The following CCAR1 variants were observed in gnomAD, a reference collection of about 807,000 sequenced individuals.
The protein encoded by CCAR1 is cell division cycle and apoptosis regulator 1.
CCAR1 carries 78 observed loss-of-function variants against 163.8 expected under a neutral mutation model. That is an observed-to-expected ratio of 0.48 (90% CI 0.40 to 0.57). CCAR1 has a LOEUF of 0.57. Ranked by LOEUF, CCAR1 falls within the 20% of genes least tolerant of loss-of-function variation. CCAR1 has a pLI of 0.00. For missense variants in CCAR1, 1,019 were observed against 1,365.2 expected, an observed-to-expected ratio of 0.75 and a Z score of 4.00; for synonymous variants, 443 against 460.7, an observed-to-expected ratio of 0.96 and a Z score of 0.49.
At chr10:68,771,784 A>G (rs2056605605) in intron 18 of CCAR1, among the ~76,000 whole-genome samples, 1 of 151,926 alleles carries the variant, frequency 6.6e-6, no homozygotes, top group Non-Finnish European at 1.5e-5. Flanking sequence ...CTCCATCTCA[A>G]AAAAAAAGAT....
chr10:68,722,890 C>G (rs1423460060), intron 2 of CCAR1, among the ~76,000 whole-genome samples: 1 of 151,884 alleles, frequency 6.6e-6, no homozygotes, highest in East Asian at 1.9e-4. Flanking sequence ...CCACTGCACT[C>G]CAGCCTGGGC....
In CCAR1 at chr10:68,771,288, C is replaced by T; in HGVS notation, c.2381C>T (p.Pro794Leu). The change falls in exon 18 of 25, where the codon CCT becomes CTT. Residue 794 changes from proline (P) to leucine (L), a missense_variant. Around this residue, in one of 4 missense-constraint regions of CCAR1, gnomAD observed 358 missense variants for 406.4 expected, o/e 0.88. Transcript: ENST00000265872. The part of the protein sequence containing the change: ...VRIYKSLLSL[P>L]EKEDKKEKDK... ...ATATACAAATCATTACTGTCTCTTC[C>T]TGAGAAAGAGGACAAAAAAGAAAAG... is the stretch of plus-strand genomic sequence containing the variant. The T allele has an allele frequency of 6.2e-7, 1 of 1,606,380 alleles. No homozygotes were observed. Among genetic ancestry groups the T allele is most frequent in the Non-Finnish European group, 8.5e-7 (1 of 1,176,616 alleles).
At chr10:68,757,185 A>G in intron 14 of CCAR1, 109 bp from the exon 15 acceptor site, 1 of 630,946 alleles carries the variant, frequency 1.6e-6, no homozygotes, top group Non-Finnish European at 2.7e-6. Context: ...GGAGAAGACA[A>G]TCTGAAACAT....
rs558658797 is a variant in CCAR1 at position 68,768,723 on chromosome 10, A to T, written c.2299-2483A>T. On this transcript the variant is annotated intron_variant, in intron 17 of 24. Coordinates refer to ENST00000265872, the MANE Select transcript of CCAR1 (RefSeq NM_018237.4). ...ATAGGCTGGGCACAGTCCCTACGGCACTTTGAGGGGCTGAGGTGGGAGGAT... is the reference window on the plus strand; with the variant it reads ...ATAGGCTGGGCACAGTCCCTACGGCTCTTTGAGGGGCTGAGGTGGGAGGAT... 2.0e-5 allele frequency among the ~76,000 whole-genome samples: 3 copies of T among 152,166 alleles called. No individual in the cohort carries two copies. In the South Asian group the frequency reaches 6.2e-4, roughly 32 times the overall value.
intron 4 of CCAR1, among the ~76,000 whole-genome samples, chr10:68,739,493 T>G (rs1419430429): frequency 6.6e-6 from 1 of 152,102 alleles, no homozygotes; most frequent in East Asian, 1.9e-4. Flanking sequence ...ATTCATAACT[T>G]CTTTGTCCCT....
rs752699786 is a variant in CCAR1, at chr10:68,786,563, A to G, written c.2751A>G (p.Gln917=). Residue 917 remains glutamine, a synonymous_variant, in exon 21 of 25, where the codon CAA becomes CAG. Transcript: ENST00000265872. Reference sequence around the variant, plus strand: ...TTTCTTAGGAAAAAGAAAAGACTCAAATGATCACAATTAACAGAGATCTGT... The same window carrying G: ...TTTCTTAGGAAAAAGAAAAGACTCAGATGATCACAATTAACAGAGATCTGT... ...PSKDKEKEKT[Q]MITINRDLLM... is the part of the protein sequence containing the mutation. The G allele has an allele frequency of 8.3e-6, 13 of 1,565,136 alleles. No homozygotes were observed. Among genetic ancestry groups the G allele is most frequent in the South Asian group, 4.8e-5 (4 of 83,418 alleles).
In CCAR1 at chr10:68,742,377, C is replaced by T; in HGVS notation, c.326C>T (p.Pro109Leu). The T allele has an allele frequency of 6.3e-7, 1 of 1,575,932 alleles. No homozygotes were observed. Residue 109 changes from proline to leucine, a missense_variant and splice_region_variant, in exon 6 of 25, where the codon CCA becomes CTA. By Grantham distance (98) the Pro-to-Leu change is moderately conservative. This residue lies in a region of CCAR1 where 644 missense variants were observed against 904.4 expected (regional missense o/e 0.71). Coordinates refer to ENST00000265872, the MANE Select transcript of CCAR1 (RefSeq NM_018237.4). ...TTTGATGTTGATTTTGTTTTATAGC[C>T]AGCTGTTGCACTGCCTACAAGCCTT... is the stretch of plus-strand genomic sequence containing the variant. ...QQPQQTLLTQPAVALPTSLSL... is the reference protein window; with the variant it reads ...QQPQQTLLTQLAVALPTSLSL...
In CCAR1 at chr10:68,766,073, A is replaced by G. The variant is rs1024775693; in HGVS notation, c.2292A>G (p.Ser764=). Residue 764 remains serine, a synonymous_variant, in exon 17 of 25, where the codon TCA becomes TCG. Transcript: ENST00000265872. ...DYRLEDNKEH[S]FEVSLFAELF... is the part of the protein sequence containing the mutation. ...GATTAGAGGATAATAAAGAACATTC[A>G]TTTGAGGTAATGTTTTAAGTTTGAA... 2.5e-6 allele frequency: 4 copies of G among 1,592,806 alleles called. No individual in the cohort carries two copies. Among genetic ancestry groups the G allele is most frequent in the Non-Finnish European group, 3.4e-6 (4 of 1,161,440 alleles).
intron 1 of CCAR1, among the ~76,000 whole-genome samples, chr10:68,721,840 C>A (rs1304289951): frequency 6.6e-6 from 1 of 152,122 alleles, no homozygotes; most frequent in African/African-American, 2.4e-5. Context: ...GGAGAATCTT[C>A]GCCTTTTCTG....
At chr10:68,752,770 TG>T (rs1442770925) in intron 10 of CCAR1, among the ~76,000 whole-genome samples, 6 of 152,072 alleles carry the variant, frequency 3.9e-5, no homozygotes, top group Non-Finnish European at 7.4e-5. Flanking sequence ...ACTTAGAAGC[TG>T]ACATGGAAGG....
intron 15 of CCAR1, among the ~76,000 whole-genome samples, chr10:68,758,590 TACAC>T (rs1285491052): frequency 5.4e-5 from 8 of 147,190 alleles, no homozygotes; most frequent in East Asian, 2.0e-4. Flanking sequence ...TGTATATATG[TACAC>T]ACACATATAT....
chr10:68,773,091 A>G lies in CCAR1; in HGVS notation c.2642A>G (p.Glu881Gly). 6.7e-7 allele frequency: 1 copy of G among 1,496,564 alleles called. No homozygotes were observed. Among genetic ancestry groups the G allele is most frequent in the Non-Finnish European group, 9.1e-7 (1 of 1,093,772 alleles). 92.7% of individuals were successfully genotyped at this position (1,496,564 alleles called of 1,614,324 possible). Residue 881 changes from glutamate to glycine, a missense_variant, in exon 19 of 25, where the codon GAA (glutamate) becomes GGA (glycine). Physicochemically the swap from Glu to Gly is moderately conservative, Grantham distance 98 (BLOSUM62 -2). Around this residue, in one of 4 missense-constraint regions of CCAR1, gnomAD observed 358 missense variants for 406.4 expected, o/e 0.88. Coordinates refer to ENST00000265872, the MANE Select transcript of CCAR1 (RefSeq NM_018237.4). ...ATGGAAGCAGAAGAAGCTGAGGATGAAGAAGATGGTATGATTGAAATTTAT... is the reference window on the plus strand; with the variant it reads ...ATGGAAGCAGAAGAAGCTGAGGATGGAGAAGATGGTATGATTGAAATTTAT... The part of the protein sequence containing the change: ...DPMEAEEAED[E>G]EDDRDEEEMT...
At chr10:68,722,334 T>TA in intron 1 of CCAR1, 121 bp from the exon 2 acceptor site, 1 of 625,964 alleles carries the variant, frequency 1.6e-6, no homozygotes. Context: ...TAACAGTTGT[T>TA]ATTTCTGCTG....
chr10:68,769,708 G>A (rs1378656521), intron 17 of CCAR1, among the ~76,000 whole-genome samples: 3 of 152,048 alleles, frequency 2.0e-5, no homozygotes, highest in Non-Finnish European at 4.4e-5. Context: ...TTGAGAGGCC[G>A]AGGCGGGGGG....
At chr10:68,764,498 ACT>A (rs1387848515) in intron 16 of CCAR1, among the ~76,000 whole-genome samples, 1 of 151,120 alleles carries the variant, frequency 6.6e-6, no homozygotes, top group African/African-American at 2.4e-5. Flanking sequence ...TCACACCACT[ACT>A]CTCTAGCCAG....
chr10:68,770,894 G>A (rs2056593525), intron 17 of CCAR1, among the ~76,000 whole-genome samples: 1 of 152,158 alleles, frequency 6.6e-6, no homozygotes, highest in Admixed American at 6.5e-5. Context: ...TGGCTGACAT[G>A]GTGAAACCCT....
chr10:68,777,280 G>A (rs1453168695), intron 19 of CCAR1, among the ~76,000 whole-genome samples: 2 of 152,094 alleles, frequency 1.3e-5, no homozygotes, highest in Non-Finnish European at 2.9e-5. Context: ...CTACAATAAA[G>A]TTTCTCAATA....
chr10:68,788,352 T>A, intron 23 of CCAR1, 24 bp downstream of exon 23: 1 of 1,511,898 alleles, frequency 6.6e-7, no homozygotes, highest in Non-Finnish European at 8.8e-7. Context: ...TTGAATATGT[T>A]AATACTTTCA....
chr10:68,736,239 C>T (rs187804514), intron 2 of CCAR1, among the ~76,000 whole-genome samples: 5 of 152,056 alleles, frequency 3.3e-5, no homozygotes, highest in Admixed American at 3.3e-4. Flanking sequence ...TTACTTAATA[C>T]CAAAGTTTTA....
Sources: allele counts gnomAD v4.1 joint callset (sites outside exome capture counted in the v4.1 genomes callset), GRCh38; gene constraint gnomAD v4.1.1; regional missense constraint gnomAD v4.1.1; transcripts MANE v1.5; gene names NCBI Gene and HGNC (gene_info 2026-07-23, HGNC 2026-07-21).